The following FOXP1 variants were observed in gnomAD, a reference collection of about 807,000 sequenced individuals.
FOXP1 encodes the protein forkhead box protein P1.
In FOXP1, 15 loss-of-function variants were observed where a neutral mutation model predicts 98.2. The ratio of observed to expected loss-of-function variants is 0.15; its 90% CI spans 0.10 to 0.24. The LOEUF (loss-of-function observed/expected upper bound fraction) is 0.24. Ranked by LOEUF, FOXP1 falls within the 10% of genes least tolerant of loss-of-function variation. The pLI is 1.00. For missense variants in FOXP1, 633 were observed against 848.5 expected, an observed-to-expected ratio of 0.75 and a Z score of 3.15; for synonymous variants, 371 against 314.5, an observed-to-expected ratio of 1.18 and a Z score of -1.90.
chr3:71,208,674 G>C (rs146378299), intron 5 of FOXP1, among the ~76,000 whole-genome samples: 24 of 152,176 alleles, frequency 1.6e-4, no homozygotes, highest in African/African-American at 5.5e-4. Context: ...CCCAGCATTT[G>C]TGTTTATGAA....
chr3:71,274,955 C>G (rs141222713), intron 5 of FOXP1, among the ~76,000 whole-genome samples: 2 of 152,318 alleles, frequency 1.3e-5, no homozygotes, highest in Non-Finnish European at 2.9e-5. Flanking sequence ...ATATTATACT[C>G]ATATACACAT....
chr3:70,979,784 A>G (rs2038478077), intron 14 of FOXP1, among the ~76,000 whole-genome samples: 1 of 152,072 alleles, frequency 6.6e-6, no homozygotes, highest in Admixed American at 6.5e-5. Flanking sequence ...TAGTTAAAAA[A>G]AAAAAAAAAG....
At chr3:71,010,700 G>A (rs1445473211) in intron 12 of FOXP1, among the ~76,000 whole-genome samples, 1 of 151,986 alleles carries the variant, frequency 6.6e-6, no homozygotes, top group Non-Finnish European at 1.5e-5. Flanking sequence ...AAAAAGAAAG[G>A]GACAACTGAA....
chr3:71,064,867 G>C (rs1031110359), intron 7 of FOXP1: 64 of 973,268 alleles, frequency 6.6e-5, no homozygotes, highest in Non-Finnish European at 7.6e-5. Context: ...AGCCGGGCTC[G>C]GGGCGCCCGC....
intron 7 of FOXP1, among the ~76,000 whole-genome samples, chr3:71,082,739 T>C (rs2107535183): frequency 6.6e-6 from 1 of 152,212 alleles, no homozygotes; most frequent in African/African-American, 2.4e-5. Flanking sequence ...TAGAGCAACT[T>C]TTTCTGGTTT....
At chr3:71,121,137 G>C (rs999368506) in intron 6 of FOXP1, among the ~76,000 whole-genome samples, 1 of 151,128 alleles carries the variant, frequency 6.6e-6, no homozygotes, top group Non-Finnish European at 1.5e-5. Context: ...TTAGCGTTGT[G>C]AGCTCAAATG....
intron 20 of FOXP1, among the ~76,000 whole-genome samples, 165 bp from the exon 21 acceptor site, chr3:70,959,556 A>G (rs917291849): frequency 7.9e-5 from 12 of 152,126 alleles, no homozygotes; most frequent in African/African-American, 2.7e-4. Context: ...AATGAACGAA[A>G]TCTTACTACA....
At chr3:71,187,170 T>G (rs1019413206) in intron 6 of FOXP1, among the ~76,000 whole-genome samples, 1 of 152,276 alleles carries the variant, frequency 6.6e-6, no homozygotes, top group Admixed American at 6.5e-5. Context: ...TTTAAAATTA[T>G]GTACAGAATG....
chr3:70,990,164 G>C (rs1370332768), intron 13 of FOXP1, among the ~76,000 whole-genome samples: 1 of 152,090 alleles, frequency 6.6e-6, no homozygotes, highest in African/African-American at 2.4e-5. Context: ...TACACAAAAA[G>C]GCAAAAATCT....
intron 2 of FOXP1, among the ~76,000 whole-genome samples, chr3:71,533,822 T>A (rs575643339): frequency 6.6e-6 from 1 of 152,222 alleles, no homozygotes; most frequent in African/African-American, 2.4e-5. Flanking sequence ...CTACAAGAAA[T>A]ACAAGGAAAA....
chr3:71,450,504 G>A (rs996842085), intron 3 of FOXP1, among the ~76,000 whole-genome samples: 107 of 152,164 alleles, frequency 7.0e-4, no homozygotes, highest in African/African-American at 2.5e-3. Context: ...ACCAAGCTAC[G>A]AAATAAGTCA....
At chr3:71,168,301 GA>G (rs58976105) in intron 6 of FOXP1, among the ~76,000 whole-genome samples, 115 of 147,794 alleles carry the variant, frequency 7.8e-4, no homozygotes, top group Non-Finnish European at 1.2e-3. Context: ...GAGTTTAAAA[GA>G]AAAAAAAAAC....
intron 5 of FOXP1, among the ~76,000 whole-genome samples, chr3:71,250,347 A>G (rs1242360605): frequency 7.2e-5 from 11 of 152,202 alleles, no homozygotes; most frequent in Admixed American, 7.2e-4. Flanking sequence ...TACAACATCC[A>G]ATAGGGTAGC....
In FOXP1 at chr3:71,400,344, T is replaced by A. The variant is rs570063726; in HGVS notation, c.-167-41100A>T. On this transcript the variant is annotated intron_variant, in intron 3 of 20. Coordinates refer to ENST00000649528, the MANE Select transcript of FOXP1 (RefSeq NM_001349338.3). ...GTTTCTAAGGCATACACCTTCTCTG[T>A]TTTATTAATTTATGTATGATTTTTT... Among the ~76,000 whole-genome samples the A allele has an allele frequency of 2.9e-4, 40 of 136,450 alleles. 1 individual carries two copies. The highest frequency in any genetic ancestry group is 2.9e-3 in the Admixed American group (39 of 13,304). 89.5% of individuals were successfully genotyped at this position (136,450 alleles called of 152,430 possible).
intron 3 of FOXP1, among the ~76,000 whole-genome samples, chr3:71,465,082 C>T (rs1204104767): frequency 6.6e-6 from 1 of 151,996 alleles, no homozygotes; most frequent in Non-Finnish European, 1.5e-5. Context: ...CCGAGGTAGG[C>T]GGATCACCTG....
At chr3:71,467,606 C>G (rs1392334977) in intron 3 of FOXP1, among the ~76,000 whole-genome samples, 1 of 152,144 alleles carries the variant, frequency 6.6e-6, no homozygotes, top group Admixed American at 6.5e-5. Flanking sequence ...TTGGGGGTAG[C>G]CTGTGGCTAA....
At position 70,965,982 on chromosome 3, in the gene FOXP1, G is replaced by A. The variant is rs1303814238; in HGVS notation, c.1797C>T (p.Ala599=). The A allele has an allele frequency of 6.2e-7, 1 of 1,614,128 alleles. No homozygotes were observed. The highest frequency in any genetic ancestry group is 8.5e-7 in the Non-Finnish European group (1 of 1,180,014). The change falls in exon 20 of 21, where the codon GCC becomes GCT. Residue 599 remains alanine, a synonymous_variant. Transcript: ENST00000649528. Reference sequence around the variant, plus strand: ...CGTTCAGCTCTTCCCGTATTGCGCTGGCTAAGTTGCCCAGAGTGGGATTTC... The same window carrying A: ...CGTTCAGCTCTTCCCGTATTGCGCTAGCTAAGTTGCCCAGAGTGGGATTTC... ...SMGNPTLGNL[A]SAIREELNGA...
At chr3:71,092,450 G>C (rs2055978115) in intron 7 of FOXP1, among the ~76,000 whole-genome samples, 2 of 152,016 alleles carry the variant, frequency 1.3e-5, no homozygotes, top group African/African-American at 4.8e-5. Flanking sequence ...AGAGACCCTT[G>C]TGGGACCCTA....
At chr3:71,421,669 AG>A (rs1158824436) in intron 3 of FOXP1, among the ~76,000 whole-genome samples, 4 of 152,194 alleles carry the variant, frequency 2.6e-5, no homozygotes, top group Non-Finnish European at 5.9e-5. Flanking sequence ...CTAGAAACAG[AG>A]GGGCCGCTGG....
Sources: gnomAD v4.1 joint callset for allele counts (sites outside exome capture counted in the v4.1 genomes callset) on GRCh38, gnomAD v4.1.1 for gene constraint, MANE v1.5 for transcripts, NCBI Gene and HGNC (gene_info 2026-07-23, HGNC 2026-07-21) for gene names.